EPB41L3: variants seen among roughly 807,000 people sequenced by gnomAD.
The protein encoded by EPB41L3 is band 4.1-like protein 3.
In EPB41L3, 57 loss-of-function variants were observed where a neutral mutation model predicts 127.1. The ratio of observed to expected loss-of-function variants is 0.45; its 90% CI spans 0.36 to 0.56. The LOEUF is 0.56. EPB41L3 is among the 20% of genes least tolerant of loss of function. EPB41L3 has a pLI of 0.00. For missense variants in EPB41L3, 1,273 were observed against 1,372.2 expected (o/e 0.93, Z 1.14); for synonymous variants, 572 against 549.5 (o/e 1.04, Z -0.57).
rs2079333881 is a variant in EPB41L3, at chr18:5,433,767, T to G, written c.824+136A>C. 6 of 1,034,530 alleles carry G rather than the reference T, an allele frequency of 5.8e-6. 1 individual carries two copies. The highest frequency in any genetic ancestry group is 4.2e-4 in the Middle Eastern group (2 of 4,724). The allele number at this position is 1,034,530 out of a possible 1,614,324, so 64.1% of individuals were successfully genotyped here. A position where few individuals can be genotyped will look rare whatever the true frequency, so the allele number is the denominator to read the frequency against. On this transcript the variant is annotated intron_variant, in intron 7 of 22. Coordinates refer to ENST00000341928, the MANE Select transcript of EPB41L3 (RefSeq NM_012307.5). ...AGTGAGAGCTTGCCCATCTCAGAAT[T>G]TTACTGTGCATGGACCCACACTATG...
In EPB41L3 at chr18:5,479,783, T is replaced by C. The variant is rs180699281; in HGVS notation, c.184-1345A>G. On this transcript the variant is annotated intron_variant, in intron 2 of 22. Coordinates refer to ENST00000341928, the MANE Select transcript of EPB41L3 (RefSeq NM_012307.5). ...CTTAAAAAAAAAAAAGTAAATAAAC[T>C]AAAGAAAACCTGCTCTGGCAACTCA... 6.8e-4 allele frequency: 103 copies of C among 151,884 alleles called. 1 individual carries two copies. Among genetic ancestry groups the C allele is most frequent in the Admixed American group, 2.0e-3 (31 of 15,270 alleles). The allele number at this position is 151,884 out of a possible 1,614,324, so 9.4% of individuals were successfully genotyped here.
chr18:5,545,242 C>T (rs2093857031), upstream of EPB41L3, among the ~76,000 whole-genome samples: 2 of 152,250 alleles, frequency 1.3e-5, no homozygotes, highest in Admixed American at 6.5e-5. Flanking sequence ...TCCAAATCAT[C>T]CGGTTGCCCC....
chr18:5,400,973 G>A (rs779382453), intron 16 of EPB41L3: 2 of 1,529,418 alleles, frequency 1.3e-6, no homozygotes, highest in Non-Finnish European at 8.8e-7. Flanking sequence ...TTTTACCTGA[G>A]ACTCAAGGAA....
exon 3 of EPB41L3, chr18:5,612,427 T>A (rs2094737933): frequency 6.6e-6 from 1 of 152,238 alleles, no homozygotes; most frequent in South Asian, 2.1e-4. Flanking sequence ...TCTATGCGAA[T>A]CCTGGAAAAG....
At chr18:5,579,962 C>T (rs1325611377) in intron 3 of EPB41L3, among the ~76,000 whole-genome samples, 1 of 152,114 alleles carries the variant, frequency 6.6e-6, no homozygotes, top group African/African-American at 2.4e-5. Flanking sequence ...TAAAATATGA[C>T]CCTCAGTGCA....
chr18:5,477,980 G>C (rs1180656687), intron 3 of EPB41L3, among the ~76,000 whole-genome samples: 1 of 151,936 alleles, frequency 6.6e-6, no homozygotes, highest in Non-Finnish European at 1.5e-5. Context: ...AATTTTTTTT[G>C]TTCCTACCAT....
At chr18:5,528,340 T>A (rs904103056) in intron 1 of EPB41L3, among the ~76,000 whole-genome samples, 10 of 151,824 alleles carry the variant, frequency 6.6e-5, no homozygotes, top group Non-Finnish European at 1.5e-4. Context: ...CCTGGCTAAT[T>A]TTTTTAAAAA....
chr18:5,417,984 AG>A (rs1427694771), intron 12 of EPB41L3, among the ~76,000 whole-genome samples: 1 of 152,218 alleles, frequency 6.6e-6, no homozygotes, highest in East Asian at 1.9e-4. Context: ...CAGCCTTTCA[AG>A]AACTATTTTC....
At chr18:5,624,897 C>T (rs956808216) in intron 1 of EPB41L3, among the ~76,000 whole-genome samples, 4 of 152,008 alleles carry the variant, frequency 2.6e-5, no homozygotes, top group African/African-American at 9.7e-5. Flanking sequence ...TGAGAATTAT[C>T]GAGAAAAACA....
At chr18:5,469,446 CATGCCTGGCTGTGTGT>C (rs71163231) in intron 3 of EPB41L3, among the ~76,000 whole-genome samples, 20 of 152,222 alleles carry the variant, frequency 1.3e-4, no homozygotes, top group South Asian at 4.1e-4. Context: ...TAGCAGCCAG[CATGCCTGGCTGTGTGT>C]ATGCCTGGCT....
At chr18:5,406,095 A>G (rs1028575828) in intron 16 of EPB41L3, among the ~76,000 whole-genome samples, 1 of 152,016 alleles carries the variant, frequency 6.6e-6, no homozygotes, top group African/African-American at 2.4e-5. Flanking sequence ...TATTAAAAAT[A>G]CAAAAATTAG....
At chr18:5,395,512 T>A in intron 20 of EPB41L3, 97 bp downstream of exon 20, 1 of 1,156,724 alleles carries the variant, frequency 8.6e-7, no homozygotes, top group East Asian at 2.3e-5. Flanking sequence ...TCAAGCCACC[T>A]TGTGCTTGTG....
At chr18:5,594,449 A>G (rs1265798504) in intron 3 of EPB41L3, among the ~76,000 whole-genome samples, 2 of 152,240 alleles carry the variant, frequency 1.3e-5, no homozygotes, top group African/African-American at 2.4e-5. Context: ...ATAAGAAAAT[A>G]CTTTTTCTCT....
chr18:5,444,374 A>G (rs2081197543), intron 4 of EPB41L3, among the ~76,000 whole-genome samples: 1 of 152,230 alleles, frequency 6.6e-6, no homozygotes, highest in African/African-American at 2.4e-5. Flanking sequence ...TCAGATGTTT[A>G]ATAATGAAGT....
intron 18 of EPB41L3, among the ~76,000 whole-genome samples, chr18:5,396,662 A>T (rs957639513): frequency 6.6e-6 from 1 of 152,232 alleles, no homozygotes; most frequent in Non-Finnish European, 1.5e-5. Flanking sequence ...GAGGATAAAG[A>T]ATAAAGTTCT....
intron 3 of EPB41L3, among the ~76,000 whole-genome samples, chr18:5,584,627 A>G (rs1384183818): frequency 6.6e-6 from 1 of 152,248 alleles, no homozygotes; most frequent in Admixed American, 6.5e-5. Flanking sequence ...TGAAGAAAAG[A>G]CTAAACAAAA....
chr18:5,516,080 T>C (rs1326370549), intron 1 of EPB41L3, among the ~76,000 whole-genome samples: 3 of 152,160 alleles, frequency 2.0e-5, no homozygotes, highest in East Asian at 1.9e-4. Context: ...GGTAGAAAGA[T>C]AGTTTTACCA....
At chr18:5,540,265 C>T (rs1442850608) in intron 1 of EPB41L3, 2 of 834,434 alleles carry the variant, frequency 2.4e-6, no homozygotes, top group South Asian at 1.1e-4. Flanking sequence ...AAAACGTCTC[C>T]TTCCTTACTC....
At chr18:5,580,069 A>T (rs1306938218) in intron 3 of EPB41L3, among the ~76,000 whole-genome samples, 1 of 152,224 alleles carries the variant, frequency 6.6e-6, no homozygotes, top group Non-Finnish European at 1.5e-5. Flanking sequence ...TACAATTATG[A>T]TGAAAGATGG....
Sources: allele counts gnomAD v4.1 joint callset (sites outside exome capture counted in the v4.1 genomes callset), GRCh38; gene constraint gnomAD v4.1.1; transcripts MANE v1.5; gene names NCBI Gene and HGNC (gene_info 2026-07-23, HGNC 2026-07-21).